RNGTT: variants seen among roughly 807,000 people sequenced by gnomAD.
RNGTT encodes mRNA-capping enzyme.
In RNGTT, 33 loss-of-function variants were observed where a neutral mutation model predicts 79.3. The ratio of observed to expected loss-of-function variants is 0.42; its 90% CI spans 0.32 to 0.56. The LOEUF is 0.56. RNGTT is among the 20% of genes least tolerant of loss of function. The pLI, the probability that RNGTT is intolerant of heterozygous loss-of-function variation, is 0.17. For synonymous variants in RNGTT, 222 were observed against 235.9 expected (o/e 0.94, Z 0.54); for missense variants, 497 against 739.1 (o/e 0.67, Z 3.80).
intron 13 of RNGTT, among the ~76,000 whole-genome samples, chr6:88,730,286 A>C (rs775164883): frequency 6.6e-6 from 1 of 151,688 alleles, no homozygotes. Context: ...CCTGCTCTGT[A>C]ATAACCATTT....
At chr6:88,924,085 T>C (rs1784244439) in intron 4 of RNGTT, among the ~76,000 whole-genome samples, 1 of 152,154 alleles carries the variant, frequency 6.6e-6, no homozygotes, top group Non-Finnish European at 1.5e-5. Context: ...TCCAGGATAG[T>C]GCTGGCTGGC....
intron 12 of RNGTT, among the ~76,000 whole-genome samples, chr6:88,799,101 A>G (rs1779696946): frequency 6.6e-6 from 1 of 152,178 alleles, no homozygotes; most frequent in Non-Finnish European, 1.5e-5. Context: ...AAATATTTAG[A>G]AGTTACCATA....
intron 13 of RNGTT, among the ~76,000 whole-genome samples, chr6:88,727,388 T>C (rs1776951280): frequency 6.6e-6 from 1 of 152,242 alleles, no homozygotes; most frequent in Admixed American, 6.5e-5. Context: ...GGTAATTCTG[T>C]GTGTAAACAT....
chr6:88,656,334 A>C (rs999313257), intron 14 of RNGTT, among the ~76,000 whole-genome samples: 2 of 152,200 alleles, frequency 1.3e-5, no homozygotes, highest in African/African-American at 4.8e-5. Flanking sequence ...TGGATATGTT[A>C]AGCATGTCCT....
chr6:88,739,354 C>G (rs1025274132), intron 13 of RNGTT, among the ~76,000 whole-genome samples: 1 of 151,800 alleles, frequency 6.6e-6, no homozygotes, highest in African/African-American at 2.4e-5. Context: ...TTTTTTGAGG[C>G]AAGCAAGGGA....
chr6:88,752,912 G>A (rs547410642), intron 13 of RNGTT, among the ~76,000 whole-genome samples: 1 of 151,930 alleles, frequency 6.6e-6, no homozygotes, highest in African/African-American at 2.4e-5. Context: ...AATAAAAAAA[G>A]ATTTCATAAT....
chr6:88,883,136 G>A (rs985444000), intron 8 of RNGTT, among the ~76,000 whole-genome samples: 7 of 124,280 alleles, frequency 5.6e-5, no homozygotes, highest in African/African-American at 1.9e-4. Context: ...GAGTTGTAGA[G>A]AGAAGAACAG....
At chr6:88,803,917 T>A (rs1435596947) in intron 11 of RNGTT, among the ~76,000 whole-genome samples, 4 of 152,204 alleles carry the variant, frequency 2.6e-5, no homozygotes, top group Admixed American at 2.6e-4. Flanking sequence ...CTACTCTTTT[T>A]ATAAATCAGA....
At chr6:88,751,420 G>C (rs1430877107) in intron 13 of RNGTT, among the ~76,000 whole-genome samples, 1 of 152,002 alleles carries the variant, frequency 6.6e-6, no homozygotes, top group Non-Finnish European at 1.5e-5. Context: ...ACTGCATAGT[G>C]GTCAGTAAAA....
intron 9 of RNGTT, among the ~76,000 whole-genome samples, chr6:88,851,534 C>G (rs1442527290): frequency 6.6e-6 from 1 of 152,094 alleles, no homozygotes; most frequent in South Asian, 2.1e-4. Context: ...ATATTCTTAT[C>G]TTAGTCTCAA....
chr6:88,835,324 C>T (rs539701262), intron 11 of RNGTT, among the ~76,000 whole-genome samples: 3 of 152,006 alleles, frequency 2.0e-5, no homozygotes, highest in Non-Finnish European at 2.9e-5. Context: ...TGTTCTTTCA[C>T]TAGATCCTAA....
At chr6:88,801,899 G>A (rs193124170) in intron 11 of RNGTT, among the ~76,000 whole-genome samples, 66 of 150,836 alleles carry the variant, frequency 4.4e-4, no homozygotes, top group Admixed American at 4.1e-3. Context: ...CTAAACAATA[G>A]TCCTAACTAC....
chr6:88,655,636 T>C (rs1290621748), intron 14 of RNGTT, among the ~76,000 whole-genome samples: 1 of 152,220 alleles, frequency 6.6e-6, no homozygotes, highest in Non-Finnish European at 1.5e-5. Context: ...ATGGTTATAG[T>C]CCTTACTTTC....
intron 13 of RNGTT, among the ~76,000 whole-genome samples, chr6:88,768,840 G>C (rs1778553236): frequency 6.9e-6 from 1 of 144,216 alleles, no homozygotes; most frequent in African/African-American, 2.8e-5. Flanking sequence ...TTTATTCTAA[G>C]ATAGCAACCA....
At chr6:88,799,852 G>C (rs1461492301) in intron 12 of RNGTT, among the ~76,000 whole-genome samples, 1 of 152,022 alleles carries the variant, frequency 6.6e-6, no homozygotes, top group Non-Finnish European at 1.5e-5. Context: ...TGAACCATGA[G>C]TTTCACACAC....
At chr6:88,807,947 T>C (rs987578775) in intron 11 of RNGTT, among the ~76,000 whole-genome samples, 1 of 152,254 alleles carries the variant, frequency 6.6e-6, no homozygotes, top group African/African-American at 2.4e-5. Flanking sequence ...CAAAAATCTT[T>C]AGCAAATGAA....
intron 8 of RNGTT, among the ~76,000 whole-genome samples, chr6:88,867,989 C>T (rs897165069): frequency 3.3e-5 from 5 of 152,168 alleles, no homozygotes; most frequent in African/African-American, 9.6e-5. Context: ...TTAGGCTTAG[C>T]TTTCTGTGCC....
intron 13 of RNGTT, among the ~76,000 whole-genome samples, chr6:88,768,842 T>C (rs977108916): frequency 1.4e-5 from 2 of 143,046 alleles, no homozygotes; most frequent in African/African-American, 5.7e-5. Flanking sequence ...TATTCTAAGA[T>C]AGCAACCAAA....
intron 13 of RNGTT, among the ~76,000 whole-genome samples, chr6:88,702,912 A>C (rs1693648246): frequency 6.6e-6 from 1 of 152,212 alleles, no homozygotes; most frequent in Non-Finnish European, 1.5e-5. Flanking sequence ...AGATCTCTCA[A>C]AATTCGACAC....
Sources: gnomAD v4.1 joint callset for allele counts (sites outside exome capture counted in the v4.1 genomes callset) on GRCh38, gnomAD v4.1.1 for gene constraint, MANE v1.5 for transcripts, NCBI Gene and HGNC (gene_info 2026-07-23, HGNC 2026-07-21) for gene names.